The following PRKAR2B variants were observed in gnomAD, a reference collection of about 807,000 sequenced individuals.
PRKAR2B encodes protein kinase cAMP-dependent type II regulatory subunit beta, also known as cAMP-dependent protein kinase type II-beta regulatory subunit.
A neutral mutation model predicts 49.9 loss-of-function variants in PRKAR2B; 14 were observed. That is an observed-to-expected ratio of 0.28 (90% CI 0.19 to 0.44). The LOEUF is 0.44. Among genes scored for constraint, PRKAR2B ranks in the 20% least tolerant of loss-of-function variants. The pLI, the probability that PRKAR2B is intolerant of heterozygous loss-of-function variation, is 1.00. For missense variants in PRKAR2B, 393 were observed against 537.9 expected (o/e 0.73, Z 2.67); for synonymous variants, 196 against 197.7 (o/e 0.99, Z 0.07).
intron 4 of PRKAR2B, among the ~76,000 whole-genome samples, chr7:107,133,901 T>C (rs907933836): frequency 2.6e-5 from 4 of 152,166 alleles, no homozygotes; most frequent in African/African-American, 4.8e-5. Context: ...AAACCCAGTT[T>C]CTCAGGAACT....
chr7:107,045,906 A>G (rs948096378), intron 1 of PRKAR2B, among the ~76,000 whole-genome samples: 30 of 152,366 alleles, frequency 2.0e-4, no homozygotes, highest in African/African-American at 7.0e-4. Context: ...TTTGCTTTTT[A>G]TATAAAAGAC....
rs1367953967 is a variant in PRKAR2B, at chr7:107,102,329, T to A, written c.344-19623T>A. On this transcript the variant is annotated intron_variant, in intron 2 of 10. Coordinates refer to ENST00000265717, the MANE Select transcript of PRKAR2B (RefSeq NM_002736.3). ...ATGATCTGGAAGTTACCTTATATGG[T>A]TCTGGGAACTCCCCACCCCTTTTCT... 2.0e-5 allele frequency among the ~76,000 whole-genome samples: 3 copies of A among 152,238 alleles called. No homozygotes were observed. In the East Asian group the frequency reaches 5.8e-4, roughly 29 times the overall value.
intron 2 of PRKAR2B, among the ~76,000 whole-genome samples, chr7:107,088,217 A>G (rs1562852477): frequency 6.6e-6 from 1 of 152,196 alleles, no homozygotes; most frequent in South Asian, 2.1e-4. Context: ...TGGGTTCTTC[A>G]GCATGGTCTT....
intron 8 of PRKAR2B, among the ~76,000 whole-genome samples, chr7:107,153,946 T>C (rs1796033935): frequency 6.6e-6 from 1 of 152,250 alleles, no homozygotes; most frequent in South Asian, 2.1e-4. Flanking sequence ...TTTTGTGCTC[T>C]TTATCTGAAA....
At chr7:107,082,558 GTGAAA>G (rs1794533262) in intron 2 of PRKAR2B, among the ~76,000 whole-genome samples, 1 of 152,052 alleles carries the variant, frequency 6.6e-6, no homozygotes, top group African/African-American at 2.4e-5. Flanking sequence ...TAGAAGTTAA[GTGAAA>G]TTAAAATTTT....
chr7:107,078,974 G>A (rs1362475744), intron 2 of PRKAR2B, among the ~76,000 whole-genome samples: 2 of 152,148 alleles, frequency 1.3e-5, no homozygotes, highest in East Asian at 3.8e-4. Flanking sequence ...CAGTCGATGT[G>A]GAAGGGCTTG....
intron 2 of PRKAR2B, among the ~76,000 whole-genome samples, chr7:107,072,734 A>G (rs573545066): frequency 2.6e-5 from 4 of 151,406 alleles, no homozygotes; most frequent in African/African-American, 9.8e-5. Flanking sequence ...ACATTTCCTG[A>G]AAATAAAAAA....
At chr7:107,149,843 TAAAATAAATGTAA>T (rs1795951138) in intron 6 of PRKAR2B, among the ~76,000 whole-genome samples, 1 of 152,162 alleles carries the variant, frequency 6.6e-6, no homozygotes, top group Admixed American at 6.6e-5. Context: ...TTGTATATTT[TAAAATAAATGTAA>T]TTGGATTTTT....
At chr7:107,089,720 G>A (rs1320203602) in intron 2 of PRKAR2B, among the ~76,000 whole-genome samples, 2 of 152,184 alleles carry the variant, frequency 1.3e-5, no homozygotes, top group Non-Finnish European at 2.9e-5. Context: ...AACCTTACTT[G>A]TTTTGCAGAT....
In PRKAR2B at chr7:107,112,174, T is replaced by TAAA. The variant is rs749209141; in HGVS notation, c.344-9754_344-9752dup. On this transcript the variant is annotated intron_variant, in intron 2 of 10. Coordinates refer to ENST00000265717, the MANE Select transcript of PRKAR2B (RefSeq NM_002736.3). ...GGGTGACAGAGCAAGACTGTGTCTC[T>TAAA]AAAAAAAAAAAAAAAAAAAAAAAAA... is the stretch of plus-strand genomic sequence containing the variant. Among the ~76,000 whole-genome samples the TAAA allele has an allele frequency of 6.7e-4, 30 of 44,794 alleles. 1 individual carries two copies. The highest frequency in any genetic ancestry group is 2.2e-3 in the African/African-American group (22 of 9,816). 29.4% of individuals were successfully genotyped at this position (44,794 alleles called of 152,430 possible). A position where few individuals can be genotyped will look rare whatever the true frequency, so the allele number is the denominator to read the frequency against.
intron 5 of PRKAR2B, among the ~76,000 whole-genome samples, chr7:107,145,430 T>TC (rs1795871675): frequency 6.6e-6 from 1 of 152,216 alleles, no homozygotes; most frequent in Non-Finnish European, 1.5e-5. Context: ...GTTATTTTCT[T>TC]CTGATCACAA....
At position 107,045,089 on chromosome 7, in the gene PRKAR2B, T is replaced by C. The variant is rs1002695604; in HGVS notation, c.182T>C (p.Leu61Pro). ...FGHEGRTWGD[L>P]GAAAGGGTPS... is the part of the protein sequence containing the mutation. ...CATGAGGGCAGGACCTGGGGGGACC[T>C]GGGCGCCGCTGCCGGGGGCGGCACC... is the stretch of plus-strand genomic sequence containing the variant. Residue 61 changes from leucine (L) to proline (P), a missense_variant, in exon 1 of 11, where the codon CTG becomes CCG. Around this residue, in one of 2 missense-constraint regions of PRKAR2B, gnomAD observed 160 missense variants for 147.6 expected, o/e 1.08. Coordinates refer to ENST00000265717, the MANE Select transcript of PRKAR2B (RefSeq NM_002736.3). 7 of 1,532,842 alleles carry C rather than the reference T, an allele frequency of 4.6e-6. No individual in the cohort carries two copies. The highest frequency in any genetic ancestry group is 4.4e-6 in the Non-Finnish European group (5 of 1,142,990). The allele number at this position is 1,532,842 out of a possible 1,614,324, so 95.0% of individuals were successfully genotyped here. A position where few individuals can be genotyped will look rare whatever the true frequency, so the allele number is the denominator to read the frequency against.
At chr7:107,060,012 C>G (rs1489356766) in intron 1 of PRKAR2B, among the ~76,000 whole-genome samples, 1 of 151,748 alleles carries the variant, frequency 6.6e-6, no homozygotes, top group African/African-American at 2.4e-5. Context: ...AAATGTAAAA[C>G]AAAGTCATTC....
chr7:107,096,838 C>A (rs1352434048), intron 2 of PRKAR2B, among the ~76,000 whole-genome samples: 1 of 152,152 alleles, frequency 6.6e-6, no homozygotes, highest in Non-Finnish European at 1.5e-5. Context: ...GTTTCTTAAT[C>A]CTGAATTCTA....
intron 1 of PRKAR2B, among the ~76,000 whole-genome samples, chr7:107,061,993 C>G (rs2536496): frequency 0.092 from 14,010 of 152,044 alleles, 1,184 homozygotes; most frequent in African/African-American, 0.23. Context: ...TGTAAGACAC[C>G]ATTAAACACA....
At chr7:107,047,652 C>T (rs1325365670) in intron 1 of PRKAR2B, among the ~76,000 whole-genome samples, 1 of 152,108 alleles carries the variant, frequency 6.6e-6, no homozygotes, top group Admixed American at 6.5e-5. Context: ...AAAAGAACCC[C>T]AGATACTGGG....
intron 2 of PRKAR2B, among the ~76,000 whole-genome samples, chr7:107,088,781 G>A (rs2116797347): frequency 6.6e-6 from 1 of 152,154 alleles, no homozygotes; most frequent in East Asian, 2.0e-4. Context: ...TGTAGTTTTA[G>A]TAGACCCGTG....
chr7:107,074,587 T>C (rs978559718), intron 2 of PRKAR2B, among the ~76,000 whole-genome samples: 6 of 151,954 alleles, frequency 3.9e-5, no homozygotes, highest in African/African-American at 1.5e-4. Context: ...TTACCTGAGA[T>C]TGGGAGTTCC....
At chr7:107,052,782 A>C (rs1793832441) in intron 1 of PRKAR2B, among the ~76,000 whole-genome samples, 1 of 152,170 alleles carries the variant, frequency 6.6e-6, no homozygotes, top group Admixed American at 6.5e-5. Context: ...CTGTCTATTC[A>C]ACCCAAATTA....
Sources: gnomAD v4.1 joint callset for allele counts (sites outside exome capture counted in the v4.1 genomes callset) on GRCh38, gnomAD v4.1.1 for gene constraint, gnomAD v4.1.1 regional missense constraint, MANE v1.5 for transcripts, NCBI Gene and HGNC (gene_info 2026-07-23, HGNC 2026-07-21) for gene names.